The following ADGRV1 variants were observed in gnomAD, a reference collection of about 807,000 sequenced individuals.
The protein encoded by ADGRV1 is adhesion G protein-coupled receptor V1, also known as G-protein coupled receptor 98.
ADGRV1 carries 359 observed loss-of-function variants against 596.2 expected under a neutral mutation model. That is an observed-to-expected ratio of 0.60 (90% CI 0.55 to 0.66). ADGRV1 has a LOEUF of 0.66. Ranked by LOEUF, ADGRV1 falls within the 30% of genes least tolerant of loss-of-function variation. The pLI is 0.00. For synonymous variants in ADGRV1, 2,681 were observed against 2,679.2 expected (o/e 1.00, Z -0.02); for missense variants, 7,274 against 7,575.6 (o/e 0.96, Z 1.48).
chr5:90,934,733 AG>A (rs574148259), intron 83 of ADGRV1, among the ~76,000 whole-genome samples: 4 of 152,352 alleles, frequency 2.6e-5, no homozygotes, highest in African/African-American at 9.6e-5. Context: ...CTTAAACAAC[AG>A]AAATTTATTT....
At chr5:90,783,429 C>A in intron 66 of ADGRV1, 104 bp downstream of exon 66, 2 of 818,534 alleles carry the variant, frequency 2.4e-6, no homozygotes, top group Non-Finnish European at 3.9e-6. Flanking sequence ...TAATATGTGT[C>A]CATTGGAAAA....
At chr5:91,030,264 A>G (rs991636655) in intron 85 of ADGRV1, among the ~76,000 whole-genome samples, 1 of 152,114 alleles carries the variant, frequency 6.6e-6, no homozygotes, top group African/African-American at 2.4e-5. Flanking sequence ...CCACTCTTGG[A>G]TTCAAATTAT....
In ADGRV1 at chr5:90,643,016, T is replaced by C. The variant is rs2149430047; in HGVS notation, c.2528T>C (p.Leu843Pro). The C allele has an allele frequency of 4.3e-6, 7 of 1,613,446 alleles. No homozygotes were observed. Among genetic ancestry groups the C allele is most frequent in the South Asian group, 1.1e-5 (1 of 91,056 alleles). The change falls in exon 13 of 90, where the codon CTA (leucine) becomes CCA (proline). Residue 843 changes from leucine (L) to proline (P), a missense_variant. This residue lies in a region of ADGRV1 where 1,715 missense variants were observed against 1,708.8 expected (regional missense o/e 1.00). Transcript: ENST00000405460. ...PGEREIVITL[L>P]ARLDGIPELD... ...GAAAGGGAGATAGTGATCACCTTGC[T>C]AGCAAGATTGGATGGGATACCAGAG...
chr5:90,787,356 C>T (rs1039353155), intron 67 of ADGRV1, among the ~76,000 whole-genome samples: 6 of 152,096 alleles, frequency 3.9e-5, no homozygotes, highest in African/African-American at 1.4e-4. Flanking sequence ...GCATGGTCTA[C>T]AGCAGAGTTT....
intron 86 of ADGRV1, among the ~76,000 whole-genome samples, chr5:91,100,865 G>A (rs1033421915): frequency 3.3e-5 from 5 of 152,058 alleles, no homozygotes; most frequent in Non-Finnish European, 7.4e-5. Flanking sequence ...ATCTAATCAC[G>A]AGAAAAATCA....
At chr5:90,787,513 A>G (rs1001154079) in intron 67 of ADGRV1, among the ~76,000 whole-genome samples, 4 of 150,962 alleles carry the variant, frequency 2.6e-5, no homozygotes, top group Admixed American at 6.6e-5. Context: ...TTTTTATCCT[A>G]TGTGATGACA....
rs186047961 is a variant in ADGRV1, at chr5:90,745,144, G to T, written c.10648G>T (p.Asp3550Tyr). 5.6e-6 allele frequency: 9 copies of T among 1,613,614 alleles called. No individual in the cohort carries two copies. The East Asian group carries it at 2.0e-4, about 36-fold the overall frequency. Residue 3550 changes from aspartate to tyrosine, a missense_variant, in exon 51 of 90, where the codon GAT (aspartate) becomes TAT (tyrosine). By Grantham distance (160) the Asp-to-Tyr change is radical. Coordinates refer to ENST00000405460, the MANE Select transcript of ADGRV1 (RefSeq NM_032119.4). ...SFVLEVPSAY[D>Y]VASVTVKSLN... ...TGTTCTGGAAGTACCTTCTGCTTATGATGTGGCTTCTGTTACAGTAAAGTC... is the reference window on the plus strand; with the variant it reads ...TGTTCTGGAAGTACCTTCTGCTTATTATGTGGCTTCTGTTACAGTAAAGTC...
At chr5:91,005,379 T>TA (rs147264981) in intron 85 of ADGRV1, among the ~76,000 whole-genome samples, 20,270 of 150,496 alleles carry the variant, frequency 0.13, 1,869 homozygotes, top group African/African-American at 0.24. Flanking sequence ...TATATATATA[T>TA]TTTTTTGAAG....
intron 87 of ADGRV1, among the ~76,000 whole-genome samples, chr5:91,114,499 C>T (rs997906565): frequency 2.0e-5 from 3 of 152,090 alleles, no homozygotes; most frequent in African/African-American, 7.2e-5. Flanking sequence ...TGCACTCCAG[C>T]CTCGGCAACA....
At chr5:90,767,166 C>T (rs1296904069) in intron 59 of ADGRV1, among the ~76,000 whole-genome samples, 1 of 152,124 alleles carries the variant, frequency 6.6e-6, no homozygotes, top group East Asian at 1.9e-4. Flanking sequence ...GCCAATGTGT[C>T]AGATAATACA....
chr5:90,967,468 ATTG>A (rs1384705602), intron 84 of ADGRV1, among the ~76,000 whole-genome samples: 1 of 152,182 alleles, frequency 6.6e-6, no homozygotes, highest in African/African-American at 2.4e-5. Context: ...AGATTTTCTG[ATTG>A]CAAAATTCTG....
chr5:90,788,154 G>T lies in ADGRV1; in HGVS notation c.13737G>T (p.Leu4579Phe). Residue 4579 changes from leucine (L) to phenylalanine (F), a missense_variant, in exon 68 of 90, where the codon TTG (leucine) becomes TTT (phenylalanine). By Grantham distance (22) the Leu-to-Phe change is conservative. Transcript: ENST00000405460. ...NRDIADPVSGLFYFGEGEGGV... is the reference protein window; with the variant it reads ...NRDIADPVSGFFYFGEGEGGV... ...ACATTGCAGACCCAGTGAGCGGGTT[G>T]TTCTATTTTGGAGAAGGAGAAGGAG... 6.2e-7 allele frequency: 1 copy of T among 1,613,812 alleles called. No homozygotes were observed. The highest frequency in any genetic ancestry group is 8.5e-7 in the Non-Finnish European group (1 of 1,179,760).
At chr5:90,716,819 G>A in intron 43 of ADGRV1, 90 bp downstream of exon 43, 1 of 917,240 alleles carries the variant, frequency 1.1e-6, no homozygotes, top group Non-Finnish European at 1.6e-6. Flanking sequence ...GTCCTAGAAT[G>A]AAAAAACAAT....
chr5:90,716,292 T>C (rs1750099313), intron 42 of ADGRV1, among the ~76,000 whole-genome samples, 175 bp from the exon 43 acceptor site: 1 of 152,238 alleles, frequency 6.6e-6, no homozygotes, highest in Non-Finnish European at 1.5e-5. Context: ...TCTATCATGA[T>C]TGAATATGTT....
At chr5:90,922,865 T>C (rs1451459755) in intron 83 of ADGRV1, among the ~76,000 whole-genome samples, 2 of 152,224 alleles carry the variant, frequency 1.3e-5, no homozygotes, top group African/African-American at 4.8e-5. Flanking sequence ...TGGTTCTTGA[T>C]GCATGGTCTC....
intron 1 of ADGRV1, among the ~76,000 whole-genome samples, chr5:90,596,716 T>C (rs1760698550): frequency 6.6e-6 from 1 of 151,812 alleles, no homozygotes; most frequent in Non-Finnish European, 1.5e-5. Flanking sequence ...GGCAGGGCGG[T>C]TGCAGTGAGC....
In ADGRV1 at chr5:90,657,973, G is replaced by A. The variant is rs1413553553; in HGVS notation, c.4447G>A (p.Val1483Met). 6.2e-7 allele frequency: 1 copy of A among 1,613,842 alleles called. No individual in the cohort carries two copies. Among genetic ancestry groups the A allele is most frequent in the Non-Finnish European group, 8.5e-7 (1 of 1,179,874 alleles). The change falls in exon 21 of 90, where the codon GTG (valine) becomes ATG (methionine). Residue 1483 changes from valine to methionine, a missense_variant. Physicochemically the swap from Val to Met is conservative, Grantham distance 21. Transcript: ENST00000405460. ...CAGATTTACAGGTCTGATGCAGGAT[G>A]TGAGGTCCTATGAGCGGAAACTGAC... Reference protein sequence around the residue: ...NDRFTGLMQDVRSYERKLTLE... With the variant: ...NDRFTGLMQDMRSYERKLTLE...
At chr5:90,790,810 A>T in intron 69 of ADGRV1, 63 bp from the exon 70 acceptor site, 2 of 1,066,582 alleles carry the variant, frequency 1.9e-6, no homozygotes, top group Non-Finnish European at 1.4e-6. Flanking sequence ...AACATAATTT[A>T]AGGGAATTTG....
intron 17 of ADGRV1, among the ~76,000 whole-genome samples, chr5:90,650,435 T>C (rs549901988): frequency 6.6e-6 from 1 of 152,360 alleles, no homozygotes; most frequent in Non-Finnish European, 1.5e-5. Context: ...CACAATGATT[T>C]GCTATTTTTG....
Sources: allele counts gnomAD v4.1 joint callset (sites outside exome capture counted in the v4.1 genomes callset), GRCh38; gene constraint gnomAD v4.1.1; regional missense constraint gnomAD v4.1.1; transcripts MANE v1.5; gene names NCBI Gene and HGNC (gene_info 2026-07-23, HGNC 2026-07-21).